Variants in SNTB1 observed in about 807,000 individuals in gnomAD.
The protein encoded by SNTB1 is beta-1-syntrophin.
A neutral mutation model predicts 48.9 loss-of-function variants in SNTB1; 36 were observed. The observed-to-expected ratio is 0.74, with a 90% CI of 0.56 to 0.97. The LOEUF (loss-of-function observed/expected upper bound fraction) is 0.97. Ranked by LOEUF, SNTB1 falls within the 50% of genes least tolerant of loss-of-function variation. The pLI, the probability that SNTB1 is intolerant of heterozygous loss-of-function variation, is 0.00. For missense variants in SNTB1, 786 were observed against 703.4 expected (o/e 1.12, Z -1.33); for synonymous variants, 299 against 294.6 (o/e 1.01, Z -0.15).
intron 1 of SNTB1, among the ~76,000 whole-genome samples, chr8:120,725,647 G>A (rs888925594): frequency 2.3e-4 from 35 of 152,160 alleles, no homozygotes; most frequent in African/African-American, 8.0e-4. Flanking sequence ...TAATAAAAGA[G>A]GATTGAAGGA....
At chr8:120,659,725 C>T (rs1817559890) in intron 2 of SNTB1, among the ~76,000 whole-genome samples, 1 of 152,180 alleles carries the variant, frequency 6.6e-6, no homozygotes, top group Admixed American at 6.5e-5. Flanking sequence ...CTGCCTGTAT[C>T]TAGTTCTCCT....
chr8:120,624,146 C>G (rs565623060), intron 3 of SNTB1, among the ~76,000 whole-genome samples: 1 of 152,266 alleles, frequency 6.6e-6, no homozygotes, highest in South Asian at 2.1e-4. Context: ...CCATGTTGGC[C>G]AGGCTGGTCT....
chr8:120,614,034 C>T (rs1267648748), intron 3 of SNTB1, among the ~76,000 whole-genome samples: 1 of 152,018 alleles, frequency 6.6e-6, no homozygotes, highest in Admixed American at 6.6e-5. Context: ...GTGGTTTGCC[C>T]AAGAAAAAAC....
At chr8:120,633,656 A>C (rs910454193) in intron 2 of SNTB1, among the ~76,000 whole-genome samples, 9 of 152,148 alleles carry the variant, frequency 5.9e-5, no homozygotes, top group African/African-American at 2.2e-4. Context: ...CCAACACCAA[A>C]ACTTAGGCCA....
At chr8:120,628,950 G>C (rs1459418523) in intron 3 of SNTB1, among the ~76,000 whole-genome samples, 1 of 152,050 alleles carries the variant, frequency 6.6e-6, no homozygotes, top group Non-Finnish European at 1.5e-5. Context: ...CTTGAGTCCA[G>C]GAGTTCCAGC....
intron 3 of SNTB1, among the ~76,000 whole-genome samples, chr8:120,579,765 T>C (rs1816013786): frequency 6.6e-6 from 1 of 152,224 alleles, no homozygotes; most frequent in Admixed American, 6.5e-5. Flanking sequence ...ACCAGAACTT[T>C]CAGTGCCTTT....
intron 1 of SNTB1, among the ~76,000 whole-genome samples, chr8:120,796,146 C>G (rs1820115650): frequency 6.6e-6 from 1 of 151,954 alleles, no homozygotes; most frequent in African/African-American, 2.4e-5. Context: ...AGCACCTCCC[C>G]CTTAGCTCTC....
At chr8:120,765,447 G>A (rs1819504752) in intron 1 of SNTB1, among the ~76,000 whole-genome samples, 1 of 152,154 alleles carries the variant, frequency 6.6e-6, no homozygotes, top group African/African-American at 2.4e-5. Context: ...TTGTGCTTCT[G>A]TAAAAGTATA....
At chr8:120,740,091 T>G (rs765315338) in intron 1 of SNTB1, among the ~76,000 whole-genome samples, 5 of 152,108 alleles carry the variant, frequency 3.3e-5, no homozygotes, top group Non-Finnish European at 7.3e-5. Flanking sequence ...TGCCAGAGGG[T>G]GGATACTTAG....
intron 5 of SNTB1, among the ~76,000 whole-genome samples, chr8:120,548,247 T>C (rs1025092614): frequency 1.5e-4 from 23 of 152,184 alleles, no homozygotes; most frequent in African/African-American, 5.3e-4. Flanking sequence ...GGACCATGCT[T>C]CCTGTACAGT....
chr8:120,784,803 C>T (rs911268109), intron 1 of SNTB1, among the ~76,000 whole-genome samples: 6 of 152,054 alleles, frequency 3.9e-5, no homozygotes, highest in South Asian at 4.1e-4. Context: ...AAAAGAAAAA[C>T]GGAAAGAAAT....
At position 120,685,867 on chromosome 8, in the gene SNTB1, G is replaced by A. The variant is rs565861078; in HGVS notation, c.788+7825C>T. On this transcript the variant is annotated intron_variant, in intron 2 of 6. Transcript: ENST00000517992. ...AACACTTTGCTTAGATATTTCTTCCGTCAAATATTCTATTTTATTGTTCAT... is the reference window on the plus strand; with the variant it reads ...AACACTTTGCTTAGATATTTCTTCCATCAAATATTCTATTTTATTGTTCAT... 3.2e-4 allele frequency among the ~76,000 whole-genome samples: 48 copies of A among 152,188 alleles called. 1 individual carries two copies. In the South Asian group the frequency reaches 3.9e-3, roughly 12 times the overall value.
At chr8:120,711,311 C>T (rs1175997405) in intron 1 of SNTB1, among the ~76,000 whole-genome samples, 1 of 143,560 alleles carries the variant, frequency 7.0e-6, no homozygotes, top group South Asian at 2.3e-4. Flanking sequence ...TTAAATATTA[C>T]ATAATTTAAA....
intron 2 of SNTB1, among the ~76,000 whole-genome samples, chr8:120,644,831 C>T (rs947983615): frequency 6.6e-6 from 1 of 151,610 alleles, no homozygotes; most frequent in Admixed American, 6.6e-5. Flanking sequence ...CCTGTTGTTG[C>T]CTGACTTTTT....
At chr8:120,639,904 A>T (rs1817159800) in intron 2 of SNTB1, among the ~76,000 whole-genome samples, 1 of 152,100 alleles carries the variant, frequency 6.6e-6, no homozygotes, top group Non-Finnish European at 1.5e-5. Flanking sequence ...GTTTTTTTCA[A>T]TTCTGTGAAG....
intron 2 of SNTB1, among the ~76,000 whole-genome samples, chr8:120,662,540 T>G (rs1424440097): frequency 1.3e-5 from 2 of 152,110 alleles, no homozygotes; most frequent in African/African-American, 4.8e-5. Context: ...GGCATCAAGG[T>G]GCATGGGGTG....
intron 3 of SNTB1, among the ~76,000 whole-genome samples, chr8:120,626,129 G>T (rs527502481): frequency 5.5e-4 from 84 of 152,176 alleles, no homozygotes; most frequent in Non-Finnish European, 1.1e-3. Context: ...CCTAGAATTG[G>T]GGGGGATGAG....
intron 1 of SNTB1, among the ~76,000 whole-genome samples, chr8:120,729,887 T>C (rs1818822981): frequency 1.3e-5 from 2 of 152,326 alleles, no homozygotes; most frequent in African/African-American, 2.4e-5. Flanking sequence ...AGAGTGTGAG[T>C]TAGTGTACCA....
intron 2 of SNTB1, among the ~76,000 whole-genome samples, chr8:120,674,074 G>A (rs1817798327): frequency 1.3e-5 from 2 of 152,180 alleles, no homozygotes; most frequent in African/African-American, 2.4e-5. Flanking sequence ...CATTGTAAAG[G>A]AGAGTTTTTT....
Sources: gnomAD v4.1 joint callset for allele counts (sites outside exome capture counted in the v4.1 genomes callset) on GRCh38, gnomAD v4.1.1 for gene constraint, MANE v1.5 for transcripts, NCBI Gene and HGNC (gene_info 2026-07-23, HGNC 2026-07-21) for gene names.